The following ITGA2 variants were observed in gnomAD, a reference collection of about 807,000 sequenced individuals.
ITGA2 encodes the protein integrin subunit alpha 2.
Under a neutral mutation model 146.3 loss-of-function variants are expected in ITGA2, and 101 were observed. The ratio of observed to expected loss-of-function variants is 0.69; its 90% CI spans 0.59 to 0.81. The LOEUF (loss-of-function observed/expected upper bound fraction) is 0.81. Ranked by LOEUF, ITGA2 falls within the 40% of genes least tolerant of loss-of-function variation. The pLI is 0.00. For synonymous variants in ITGA2, 477 were observed against 487.1 expected (o/e 0.98, Z 0.27); for missense variants, 1,281 against 1,402.7 (o/e 0.91, Z 1.39).
Position 53,073,205 on chromosome 5 carries a change from T to A in ITGA2, c.2517T>A (p.Thr839=). 2 of 1,612,530 alleles carry A rather than the reference T, an allele frequency of 1.2e-6. No individual in the cohort carries two copies. The highest frequency in any genetic ancestry group is 1.7e-6 in the Non-Finnish European group (2 of 1,178,940). The change falls in exon 20 of 30, where the codon ACT becomes ACA. Residue 839 remains threonine, a synonymous_variant. Coordinates refer to ENST00000296585, the MANE Select transcript of ITGA2 (RefSeq NM_002203.4). ...ATAAAAGGGAAAGTGCATACAACAC[T>A]GGAATTGTTGTTGATTTTTCAGAAA... ...LKNKRESAYN[T]GIVVDFSENL...
chr5:53,033,140 G>A (rs1002796302), intron 2 of ITGA2, among the ~76,000 whole-genome samples: 1 of 152,026 alleles, frequency 6.6e-6, no homozygotes, highest in Non-Finnish European at 1.5e-5. Context: ...GTGGTGGCAG[G>A]CACCTGTAAT....
intron 1 of ITGA2, among the ~76,000 whole-genome samples, chr5:53,023,525 A>G (rs1742786402): frequency 6.6e-6 from 1 of 152,200 alleles, no homozygotes. Context: ...AATTACCATA[A>G]TGGAAATGCA....
At chr5:53,053,632 G>T (rs1376736205) in intron 7 of ITGA2, among the ~76,000 whole-genome samples, 1 of 151,990 alleles carries the variant, frequency 6.6e-6, no homozygotes, top group Non-Finnish European at 1.5e-5. Flanking sequence ...CAAAACTTTG[G>T]TTTTCTCCCT....
intron 9 of ITGA2, 62 bp downstream of exon 9, chr5:53,056,211 C>A: frequency 6.8e-7 from 1 of 1,466,218 alleles, no homozygotes; most frequent in African/African-American, 1.4e-5. Flanking sequence ...TGTTTATTAT[C>A]ACATATTTGC....
chr5:53,048,821 A>AT, intron 6 of ITGA2, 51 bp downstream of exon 6: 1 of 1,593,964 alleles, frequency 6.3e-7, no homozygotes, highest in Non-Finnish European at 8.6e-7. Context: ...TTCTGAAAAA[A>AT]ATATTGTTAG....
rs1326139971 is a variant in ITGA2, at chr5:53,048,361, A to G, written c.388-2A>G. ...ATTGATTGTTTTCTCATTTCTTTGAAGACATGTGGTCCTCTGTGGGCACAG... is the reference window on the plus strand; with the variant it reads ...ATTGATTGTTTTCTCATTTCTTTGAGGACATGTGGTCCTCTGTGGGCACAG... On this transcript the variant is annotated splice_acceptor_variant, in intron 4 of 29. Coordinates refer to ENST00000296585, the MANE Select transcript of ITGA2 (RefSeq NM_002203.4). LOFTEE classifies it high-confidence loss of function. 6.2e-7 allele frequency: 1 copy of G among 1,610,468 alleles called. No homozygotes were observed. Among genetic ancestry groups the G allele is most frequent in the East Asian group, 2.2e-5 (1 of 44,850 alleles).
At chr5:52,990,074 T>C (rs1579761462) in intron 1 of ITGA2, 1 of 165,854 alleles carries the variant, frequency 6.0e-6, no homozygotes, top group Middle Eastern at 3.1e-3. Flanking sequence ...ATGTGAATAA[T>C]GCCTCTATTT....
In ITGA2 at chr5:53,087,061, C is replaced by T. The variant is rs1363363069; in HGVS notation, c.3348+20C>T. 2 of 1,553,996 alleles carry T rather than the reference C, an allele frequency of 1.3e-6. No individual in the cohort carries two copies. Among genetic ancestry groups the T allele is most frequent in the Non-Finnish European group, 1.8e-6 (2 of 1,125,758 alleles). On this transcript the variant is annotated intron_variant, in intron 28 of 29. Coordinates refer to ENST00000296585, the MANE Select transcript of ITGA2 (RefSeq NM_002203.4). ...GTTACGGTGAGCATATCACACCCTT[C>T]CCTGTGAGCCTCAGGGTCTGTGATG...
At chr5:53,053,740 T>A (rs1232907845) in intron 7 of ITGA2, among the ~76,000 whole-genome samples, 1 of 152,128 alleles carries the variant, frequency 6.6e-6, no homozygotes, top group African/African-American at 2.4e-5. Flanking sequence ...TACTCATCCC[T>A]CCTAGAATGT....
chr5:53,063,065 G>A (rs938710132), intron 13 of ITGA2, 136 bp downstream of exon 13: 5 of 739,624 alleles, frequency 6.8e-6, no homozygotes, highest in Admixed American at 5.3e-5. Flanking sequence ...TCATTTTTGA[G>A]GATGTCCCCA....
chr5:53,015,949 C>T (rs1290251601), intron 1 of ITGA2, among the ~76,000 whole-genome samples: 1 of 152,114 alleles, frequency 6.6e-6, no homozygotes, highest in African/African-American at 2.4e-5. Flanking sequence ...AGATTTTTCT[C>T]CAACTCTTTG....
chr5:53,083,306 G>C, intron 26 of ITGA2, 34 bp from the exon 27 acceptor site: 1 of 1,305,078 alleles, frequency 7.7e-7, no homozygotes, highest in Non-Finnish European at 1.1e-6. Context: ...TTACTAACTT[G>C]CTCTCTCTTT....
chr5:53,030,706 TAAG>T (rs1268260762), intron 2 of ITGA2, among the ~76,000 whole-genome samples: 7 of 152,176 alleles, frequency 4.6e-5, no homozygotes, highest in Admixed American at 2.6e-4. Flanking sequence ...TTGTTGGCCT[TAAG>T]GAGTGTAAAA....
At chr5:53,041,654 G>A (rs1204938085) in intron 2 of ITGA2, among the ~76,000 whole-genome samples, 2 of 151,960 alleles carry the variant, frequency 1.3e-5, no homozygotes, top group East Asian at 3.9e-4. Context: ...TGTGCTCTAA[G>A]TGTAAAATCT....
intron 1 of ITGA2, among the ~76,000 whole-genome samples, chr5:53,006,286 C>T (rs1280214382): frequency 6.6e-6 from 1 of 152,154 alleles, no homozygotes. Context: ...TAGCATACTT[C>T]TGCCATGCCA....
chr5:53,050,497 C>T (rs1192294245), intron 6 of ITGA2, among the ~76,000 whole-genome samples: 1 of 152,124 alleles, frequency 6.6e-6, no homozygotes, highest in Non-Finnish European at 1.5e-5. Flanking sequence ...ACTATCTTCC[C>T]AGTGCCTAGC....
At chr5:53,017,877 C>T (rs1048441873) in intron 1 of ITGA2, among the ~76,000 whole-genome samples, 1 of 151,968 alleles carries the variant, frequency 6.6e-6, no homozygotes, top group African/African-American at 2.4e-5. Flanking sequence ...CATGGGTAAG[C>T]GCATGCTGGC....
At chr5:53,078,961 AG>A in intron 24 of ITGA2, 87 bp downstream of exon 24, 2 of 788,038 alleles carry the variant, frequency 2.5e-6, no homozygotes, top group East Asian at 2.6e-5. Flanking sequence ...GAAAGTAAAA[AG>A]AAATTGAAAG....
intron 9 of ITGA2, among the ~76,000 whole-genome samples, chr5:53,057,087 TA>T (rs1744673451): frequency 6.6e-6 from 1 of 151,974 alleles, no homozygotes; most frequent in Admixed American, 6.6e-5. Flanking sequence ...AAATCCAGCA[TA>T]CCCTGAGATA....
Sources: gnomAD v4.1 joint callset for allele counts (sites outside exome capture counted in the v4.1 genomes callset) on GRCh38, gnomAD v4.1.1 for gene constraint, MANE v1.5 for transcripts, NCBI Gene and HGNC (gene_info 2026-07-23, HGNC 2026-07-21) for gene names.